Variants in SV2C observed in about 807,000 individuals in gnomAD.
The protein encoded by SV2C is synaptic vesicle glycoprotein 2C, also known as solute carrier family 22 member B3.
In SV2C, 49 loss-of-function variants were observed where a neutral mutation model predicts 79.7. That is an observed-to-expected ratio of 0.61 (90% CI 0.49 to 0.78). SV2C has a LOEUF of 0.78. Ranked by LOEUF, SV2C falls within the 30% of genes least tolerant of loss-of-function variation. The pLI is 0.00. For synonymous variants in SV2C, 334 were observed against 333.2 expected (o/e 1.00, Z -0.03); for missense variants, 833 against 912.9 (o/e 0.91, Z 1.13).
chr5:75,887,569 G>A, the SV2C span, among the ~76,000 whole-genome samples: 18 of 152,102 alleles, frequency 1.2e-4, no homozygotes, highest in South Asian at 6.2e-4. Context: ...ATCTTCCATC[G>A]TCTGGAATGC....
intron 4 of SV2C, among the ~76,000 whole-genome samples, chr5:76,259,881 G>A (rs992856369): frequency 1.1e-4 from 16 of 152,080 alleles, no homozygotes; most frequent in African/African-American, 3.9e-4. Context: ...AGTCTTTGCT[G>A]TTGTAAATAG....
chr5:76,041,753 A>G, the SV2C span, among the ~76,000 whole-genome samples: 3 of 152,176 alleles, frequency 2.0e-5, no homozygotes, highest in African/African-American at 7.2e-5. Context: ...CTGCCCATCA[A>G]CATTCCCCTC....
rs151330156 is a variant in SV2C, at chr5:76,221,663, A to C, written c.913+11776A>C. Reference sequence around the variant, plus strand: ...ATTTGGTTTCAGAGAATGTAGATACAGGGGTCTCGAGACCCTCAAGCCAGT... The same window carrying C: ...ATTTGGTTTCAGAGAATGTAGATACCGGGGTCTCGAGACCCTCAAGCCAGT... On this transcript the variant is annotated intron_variant, in intron 4 of 12. Transcript: ENST00000502798. Among the ~76,000 whole-genome samples, 17 of 152,256 alleles carry C rather than the reference A, an allele frequency of 1.1e-4. 1 individual carries two copies. The East Asian group carries it at 3.3e-3, about 29-fold the overall frequency.
the SV2C span, among the ~76,000 whole-genome samples, chr5:76,035,945 A>G: frequency 2.0e-5 from 3 of 152,054 alleles, no homozygotes; most frequent in Admixed American, 2.0e-4. Context: ...TTGGGTGCAT[A>G]TATATTTAGG....
the SV2C span, among the ~76,000 whole-genome samples, chr5:75,901,738 C>T: frequency 6.6e-6 from 1 of 152,238 alleles, no homozygotes. Context: ...TGGTGGGTTC[C>T]ACCCAGTTGG....
At chr5:76,301,754 C>T (rs1241687885) in intron 12 of SV2C, among the ~76,000 whole-genome samples, 1 of 151,734 alleles carries the variant, frequency 6.6e-6, no homozygotes, top group Non-Finnish European at 1.5e-5. Flanking sequence ...ACTTAAAATA[C>T]AAAAATTAGC....
At position 76,278,502 on chromosome 5, in the gene SV2C, G is replaced by A. The variant is rs943101541; in HGVS notation, c.914-6660G>A. On this transcript the variant is annotated intron_variant, in intron 4 of 12. Coordinates refer to ENST00000502798, the MANE Select transcript of SV2C (RefSeq NM_014979.4). ...AGACCAGGAAAACATCACATTCCAAGACTCCTAGGGGACAACATTGAAAAC... is the reference window on the plus strand; with the variant it reads ...AGACCAGGAAAACATCACATTCCAAAACTCCTAGGGGACAACATTGAAAAC... Among the ~76,000 whole-genome samples the A allele has an allele frequency of 2.6e-5, 4 of 152,304 alleles. No individual in the cohort carries two copies. In the South Asian group the frequency reaches 8.3e-4, roughly 32 times the overall value.
intron 4 of SV2C, among the ~76,000 whole-genome samples, chr5:76,260,031 A>C (rs1746411445): frequency 1.3e-5 from 2 of 152,214 alleles, no homozygotes; most frequent in African/African-American, 2.4e-5. Context: ...CACTGCTTCC[A>C]CAATGGTCGA....
intron 4 of SV2C, among the ~76,000 whole-genome samples, chr5:76,226,805 T>C (rs1304740091): frequency 6.6e-6 from 1 of 152,134 alleles, no homozygotes; most frequent in Non-Finnish European, 1.5e-5. Flanking sequence ...CCTGTGCTGA[T>C]GGAGAAAGAT....
the SV2C span, among the ~76,000 whole-genome samples, chr5:75,885,087 A>C: frequency 1.2e-3 from 188 of 152,256 alleles, 2 homozygotes; most frequent in African/African-American, 4.2e-3. Flanking sequence ...ACATACAAGA[A>C]AATTTAATGC....
In SV2C at chr5:76,196,064, A is replaced by G. The variant is rs78551056; in HGVS notation, c.761+965A>G. 2.1e-3 allele frequency among the ~76,000 whole-genome samples: 321 copies of G among 152,316 alleles called. 14 individuals are homozygous for G. The East Asian group carries it at 0.059, about 28-fold the overall frequency. On this transcript the variant is annotated intron_variant, in intron 3 of 12. Transcript: ENST00000502798. ...TGAGGGAAACGGGGCTGGGTTATAA[A>G]CTTTAAAAGCTATCAGTTGTGGTTG... is the stretch of plus-strand genomic sequence containing the variant.
the SV2C span, among the ~76,000 whole-genome samples, chr5:75,896,534 G>GTGTC: frequency 1.3e-5 from 2 of 151,944 alleles, no homozygotes; most frequent in African/African-American, 4.9e-5. Context: ...ACGTGTGCAT[G>GTGTC]TGTCTTTACA....
rs11956520 is a variant in SV2C, at chr5:76,345,614, G to T, written c.2001-7516G>T. 3.9e-3 allele frequency among the ~76,000 whole-genome samples: 599 copies of T among 152,312 alleles called. 5 individuals are homozygous for T. The highest frequency in any genetic ancestry group is 0.014 in the African/African-American group (570 of 41,564). On this transcript the variant is annotated intron_variant, in intron 12 of 12. Coordinates refer to the SV2C transcript ENST00000322285. The stretch of plus-strand genomic sequence containing the variant: ...TGCTGAGCCATCTTGGCTTGTCCAG[G>T]CTGTCAGCGTGATTTCCAAAGTACT...
chr5:76,091,931 C>G (rs1747391987), intron 1 of SV2C: 1 of 152,128 alleles, frequency 6.6e-6, no homozygotes, highest in Non-Finnish European at 1.5e-5. Flanking sequence ...CTATCAGAAC[C>G]TGATCACATT....
chr5:76,209,936 A>G (rs1744721426), intron 4 of SV2C, 49 bp downstream of exon 4: 3 of 1,559,304 alleles, frequency 1.9e-6, no homozygotes, highest in Non-Finnish European at 1.7e-6. Context: ...ATTTTGCTTC[A>G]GGCTCCATTC....
chr5:76,162,606 G>A (rs144149585), intron 2 of SV2C, among the ~76,000 whole-genome samples: 251 of 152,276 alleles, frequency 1.6e-3, no homozygotes, highest in African/African-American at 5.2e-3. Flanking sequence ...GTGAAAGATG[G>A]ATTATCTCTG....
In SV2C at chr5:76,273,146, G is replaced by GATATAT. The variant is rs369657969; in HGVS notation, c.914-11996_914-11991dup. Among the ~76,000 whole-genome samples the GATATAT allele has an allele frequency of 6.9e-3, 895 of 129,046 alleles. 6 individuals carry two copies. The highest frequency in any genetic ancestry group is 0.022 in the African/African-American group (765 of 34,488). 84.7% of individuals were successfully genotyped at this position (129,046 alleles called of 152,430 possible). A position where few individuals can be genotyped will look rare whatever the true frequency, so the allele number is the denominator to read the frequency against. ...TTGCATAAAAATCTTTTACAAAAAA[G>GATATAT]ATATATATATATATATATATATATA... On this transcript the variant is annotated intron_variant, in intron 4 of 12. Transcript: ENST00000502798.
At position 76,267,725 on chromosome 5, in the gene SV2C, G is replaced by T. The variant is rs372055317; in HGVS notation, c.914-17437G>T. ...GATACAAGTCGGGGAAGCTCTAAAAGTGACATTTGATGTGGCTTCTGCAAT... is the reference window on the plus strand; with the variant it reads ...GATACAAGTCGGGGAAGCTCTAAAATTGACATTTGATGTGGCTTCTGCAAT... On this transcript the variant is annotated intron_variant, in intron 4 of 12. Transcript: ENST00000502798. 9.2e-5 allele frequency among the ~76,000 whole-genome samples: 14 copies of T among 152,252 alleles called. No homozygotes were observed. In the East Asian group the frequency reaches 1.3e-3, roughly 15 times the overall value.
chr5:76,082,555 CCTCCTTT>C (rs1299769272), upstream of SV2C, among the ~76,000 whole-genome samples: 1 of 150,586 alleles, frequency 6.6e-6, no homozygotes, highest in African/African-American at 2.5e-5. Flanking sequence ...TCTCCCTCCT[CCTCCTTT>C]CTTTCTTTCT....
Sources: gnomAD v4.1 joint callset for allele counts (sites outside exome capture counted in the v4.1 genomes callset) on GRCh38, gnomAD v4.1.1 for gene constraint, MANE v1.5 for transcripts, NCBI Gene and HGNC (gene_info 2026-07-23, HGNC 2026-07-21) for gene names.